The following CBLN2 variants were observed in gnomAD, a reference collection of about 807,000 sequenced individuals.
CBLN2 encodes cerebellin 2 precursor.
In CBLN2, 7 loss-of-function variants were observed where a neutral mutation model predicts 15.0. The observed-to-expected ratio is 0.47, with a 90% CI of 0.27 to 0.88. The LOEUF (loss-of-function observed/expected upper bound fraction) is 0.88. Ranked by LOEUF, CBLN2 falls within the 40% of genes least tolerant of loss-of-function variation. The pLI is 0.14. For synonymous variants in CBLN2, 149 were observed against 135.2 expected (o/e 1.10, Z -0.71); for missense variants, 242 against 304.5 (o/e 0.79, Z 1.53).
At chr18:72,603,468 A>G (rs1013003670) in intron 1 of CBLN2, among the ~76,000 whole-genome samples, 1 of 152,218 alleles carries the variant, frequency 6.6e-6, no homozygotes, top group Non-Finnish European at 1.5e-5. Flanking sequence ...TAGTCACTAT[A>G]TATTCTTGAA....
chr18:72,618,255 TC>T, intron 1 of CBLN2: 2 of 297,272 alleles, frequency 6.7e-6, no homozygotes, highest in Admixed American at 4.3e-5. Flanking sequence ...AGTCTCTCTT[TC>T]CCCTGCTGTC....
chr18:72,598,516 G>A (rs1428974397), intron 1 of CBLN2, among the ~76,000 whole-genome samples: 2 of 152,170 alleles, frequency 1.3e-5, no homozygotes, highest in Non-Finnish European at 2.9e-5. Flanking sequence ...CTGGGTCTGG[G>A]GCAGGGGTTA....
chr18:72,610,292 GTT>G (rs1383659694), intron 1 of CBLN2, among the ~76,000 whole-genome samples: 1 of 152,122 alleles, frequency 6.6e-6, no homozygotes, highest in Non-Finnish European at 1.5e-5. Context: ...GTGCAGTGCT[GTT>G]CTCTAGGGTA....
At chr18:72,555,118 GA>G (rs758243858) in intron 1 of CBLN2, among the ~76,000 whole-genome samples, 1 of 149,776 alleles carries the variant, frequency 6.7e-6, no homozygotes, top group Non-Finnish European at 1.5e-5. Context: ...CTGGGTGACA[GA>G]ACGAGATTCT....
chr18:72,583,843 A>C (rs2144921559), intron 1 of CBLN2, among the ~76,000 whole-genome samples: 1 of 152,354 alleles, frequency 6.6e-6, no homozygotes, highest in Non-Finnish European at 1.5e-5. Flanking sequence ...TTTGAGACTC[A>C]GGCTCTTTGA....
chr18:72,589,771 T>C (rs975319097), intron 1 of CBLN2, among the ~76,000 whole-genome samples: 5 of 152,160 alleles, frequency 3.3e-5, no homozygotes, highest in Non-Finnish European at 5.9e-5. Flanking sequence ...CAAAAGGCTA[T>C]TGTGGGACCT....
intron 1 of CBLN2, chr18:72,619,159 A>T (rs1991719): frequency 1.3e-6 from 1 of 763,898 alleles, no homozygotes; most frequent in African/African-American, 1.7e-5. Context: ...GCCAAACCAC[A>T]AAACCAAGGT....
chr18:72,555,665 C>A (rs2069222689), intron 1 of CBLN2, among the ~76,000 whole-genome samples: 1 of 152,134 alleles, frequency 6.6e-6, no homozygotes, highest in African/African-American at 2.4e-5. Context: ...TGAAATTAAT[C>A]AGTAACAACT....
At chr18:72,555,486 G>A (rs2069220805) in intron 1 of CBLN2, among the ~76,000 whole-genome samples, 1 of 151,974 alleles carries the variant, frequency 6.6e-6, no homozygotes, top group African/African-American at 2.4e-5. Context: ...GAAAACGTAT[G>A]AATATTAGGT....
chr18:72,636,690 G>A (rs2069815142), intron 1 of CBLN2, among the ~76,000 whole-genome samples: 1 of 152,148 alleles, frequency 6.6e-6, no homozygotes. Context: ...TTTAGATTGA[G>A]AAACTATATA....
intron 1 of CBLN2, among the ~76,000 whole-genome samples, chr18:72,573,014 C>A (rs1389582928): frequency 6.6e-6 from 1 of 151,968 alleles, no homozygotes; most frequent in African/African-American, 2.4e-5. Context: ...GTTCAAAGAC[C>A]CAGAATTTTC....
chr18:72,617,985 A>C (rs1010114475), intron 1 of CBLN2, among the ~76,000 whole-genome samples: 1 of 152,182 alleles, frequency 6.6e-6, no homozygotes, highest in South Asian at 2.1e-4. Flanking sequence ...AATTTTAGAA[A>C]GTTATCAGAA....
At chr18:72,634,511 A>G (rs1421420839) in intron 1 of CBLN2, among the ~76,000 whole-genome samples, 1 of 152,114 alleles carries the variant, frequency 6.6e-6, no homozygotes, top group African/African-American at 2.4e-5. Flanking sequence ...TTTCCTGGGA[A>G]TGTAGGAACA....
intron 1 of CBLN2, among the ~76,000 whole-genome samples, chr18:72,592,167 T>C (rs2069484048): frequency 6.6e-6 from 1 of 152,296 alleles, no homozygotes; most frequent in East Asian, 1.9e-4. Context: ...CATTTGTTAT[T>C]GCCTGCCTTT....
intron 1 of CBLN2, among the ~76,000 whole-genome samples, chr18:72,558,517 A>T (rs916318576): frequency 2.0e-5 from 3 of 152,078 alleles, no homozygotes; most frequent in African/African-American, 7.2e-5. Context: ...TATCTTGGAG[A>T]TCTCAAAATG....
chr18:72,545,182 C>G (rs1247494467), upstream of CBLN2, among the ~76,000 whole-genome samples: 2 of 152,170 alleles, frequency 1.3e-5, no homozygotes, highest in East Asian at 3.9e-4. Flanking sequence ...CCGCTATTCT[C>G]CCCATTTAGA....
At chr18:72,635,103 CT>C (rs779664828) in intron 1 of CBLN2, among the ~76,000 whole-genome samples, 1 of 152,078 alleles carries the variant, frequency 6.6e-6, no homozygotes, top group Non-Finnish European at 1.5e-5. Context: ...TTGTTAAACA[CT>C]CAATTGAGCT....
intron 1 of CBLN2, among the ~76,000 whole-genome samples, chr18:72,599,497 T>C (rs1451113574): frequency 6.6e-6 from 1 of 152,222 alleles, no homozygotes; most frequent in African/African-American, 2.4e-5. Context: ...TTAATTTAGA[T>C]TTGAACTTTT....
chr18:72,608,886 A>G (rs1036520471), intron 1 of CBLN2, among the ~76,000 whole-genome samples: 3 of 152,246 alleles, frequency 2.0e-5, no homozygotes, highest in Admixed American at 6.5e-5. Context: ...CACATCTTAC[A>G]TGATGGCAGG....
Sources: gnomAD v4.1 joint callset for allele counts (sites outside exome capture counted in the v4.1 genomes callset) on GRCh38, gnomAD v4.1.1 for gene constraint, MANE v1.5 for transcripts, NCBI Gene and HGNC (gene_info 2026-07-23, HGNC 2026-07-21) for gene names.